The following KIF24 variants were observed in gnomAD, a reference collection of about 807,000 sequenced individuals.
KIF24 encodes kinesin-like protein KIF24.
Under a neutral mutation model 118.9 loss-of-function variants are expected in KIF24, and 81 were observed. That is an observed-to-expected ratio of 0.68 (90% CI 0.57 to 0.82). The LOEUF is 0.82. Among genes scored for constraint, KIF24 ranks in the 40% least tolerant of loss-of-function variants. The pLI, the probability that KIF24 is intolerant of heterozygous loss-of-function variation, is 0.00. For synonymous variants in KIF24, 599 were observed against 610.0 expected, an observed-to-expected ratio of 0.98 and a Z score of 0.27; for missense variants, 1,560 against 1,661.6, an observed-to-expected ratio of 0.94 and a Z score of 1.06.
rs1017847507 is a variant in KIF24, at chr9:34,257,635, C to T, written c.1972G>A (p.Ala658Thr). The T allele has an allele frequency of 1.2e-6, 2 of 1,613,946 alleles. No individual in the cohort carries two copies. Among genetic ancestry groups the T allele is most frequent in the Middle Eastern group, 3.3e-4 (2 of 6,062 alleles). The change falls in exon 11 of 13, where the codon GCC becomes ACC. Residue 658 changes from alanine to threonine, a missense_variant. By Grantham distance (58) the Ala-to-Thr change is moderately conservative. Transcript: ENST00000402558. ...GCTGACTCTTCTGGCTTTTTTTTGGCCACATGTCCAGAGCGCACAGTTCCT... is the reference window on the plus strand; with the variant it reads ...GCTGACTCTTCTGGCTTTTTTTTGGTCACATGTCCAGAGCGCACAGTTCCT... ...VKGTVRSGHV[A>T]KKKPEESAPL...
chr9:34,264,619 T>C (rs533904244), intron 8 of KIF24, among the ~76,000 whole-genome samples: 117 of 152,262 alleles, frequency 7.7e-4, no homozygotes, highest in African/African-American at 2.8e-3. Context: ...CCTCTTTTAT[T>C]AAAAATCTAT....
intron 1 of KIF24, among the ~76,000 whole-genome samples, chr9:34,325,970 A>G (rs942804579): frequency 6.6e-6 from 1 of 152,220 alleles, no homozygotes; most frequent in African/African-American, 2.4e-5. Context: ...TACAGTTCCA[A>G]GAGGAAACTT....
At position 34,256,393 on chromosome 9, in the gene KIF24, C is replaced by A. The variant is rs1351907287; in HGVS notation, c.3214G>T (p.Val1072Phe). ...AGACTGTGCGTAGCCCCATCCTGGACCAGCTGCTCCGAGGGAGGAGACCCT... is the reference window on the plus strand; with the variant it reads ...AGACTGTGCGTAGCCCCATCCTGGAACAGCTGCTCCGAGGGAGGAGACCCT... ...NEGSPPSEQL[V>F]QDGATHSLVA... The change falls in exon 11 of 13, where the codon GTC becomes TTC. Residue 1072 changes from valine to phenylalanine, a missense_variant. This residue lies in a region of KIF24 where 591 missense variants were observed against 655.6 expected (regional missense o/e 0.90). Transcript: ENST00000402558. 1.9e-6 allele frequency: 3 copies of A among 1,613,926 alleles called. No homozygotes were observed. The highest frequency in any genetic ancestry group is 2.5e-6 in the Non-Finnish European group (3 of 1,179,890).
At chr9:34,309,541 A>AG (rs1837059473) in intron 2 of KIF24, among the ~76,000 whole-genome samples, 2 of 97,462 alleles carry the variant, frequency 2.1e-5, no homozygotes, top group Admixed American at 1.2e-4. Flanking sequence ...ACTCCGTCTC[A>AG]AAAAAAAAAA....
chr9:34,324,367 C>T (rs988185634), intron 1 of KIF24, among the ~76,000 whole-genome samples: 3 of 152,178 alleles, frequency 2.0e-5, no homozygotes, highest in South Asian at 2.1e-4. Flanking sequence ...CAGAACTAAA[C>T]GAGAAAGCAT....
chr9:34,317,817 G>A (rs375304484), intron 1 of KIF24, among the ~76,000 whole-genome samples: 2 of 152,148 alleles, frequency 1.3e-5, no homozygotes, highest in Non-Finnish European at 2.9e-5. Context: ...ATATGCCAAA[G>A]AGAAGCCATA....
Position 34,306,279 on chromosome 9 carries a change from T to C in KIF24, c.786A>G (p.Ala262=), listed in dbSNP as rs1184648913. 1.2e-6 allele frequency: 2 copies of C among 1,606,750 alleles called. No homozygotes were observed. The highest frequency in any genetic ancestry group is 2.2e-5 in the East Asian group (1 of 44,826). Residue 262 remains alanine, a synonymous_variant, in exon 3 of 13, where the codon GCA becomes GCG. Transcript: ENST00000402558. ...GCAGAATATATTGAGTGAGGTCAAC[T>C]GCTTCTTTCTTCTCATGCACAAGTA... ...ETLLVHEKKE[A]VDLTQYILQH...
At chr9:34,279,150 A>C (rs935827524) in intron 6 of KIF24, among the ~76,000 whole-genome samples, 1 of 152,170 alleles carries the variant, frequency 6.6e-6, no homozygotes, top group African/African-American at 2.4e-5. Context: ...AACATCATTC[A>C]GGGACTTAAT....
intron 2 of KIF24, among the ~76,000 whole-genome samples, chr9:34,306,727 G>A (rs997285925): frequency 6.6e-6 from 1 of 151,972 alleles, no homozygotes; most frequent in African/African-American, 2.4e-5. Context: ...GCGTGAACCC[G>A]GGAGGCAGAG....
In KIF24 at chr9:34,318,836, G is replaced by A; in HGVS notation, c.-25-7465C>T. The A allele has an allele frequency of 6.3e-7, 1 of 1,599,920 alleles. No homozygotes were observed. Among genetic ancestry groups the A allele is most frequent in the Non-Finnish European group, 8.6e-7 (1 of 1,168,844 alleles). ...ACCCAGCTCAGTGAGTTTCGCTGAT[G>A]ACTTCGTGCGCAGCAGCAAGCAGCA... On this transcript the variant is annotated intron_variant, in intron 1 of 12. Coordinates refer to ENST00000402558, the MANE Select transcript of KIF24 (RefSeq NM_194313.4). This position sits in a 1 kb window ranked among gnomAD's most constrained non-coding sequence, Gnocchi z 4.9.
chr9:34,257,505 G>A lies in KIF24; in HGVS notation c.2102C>T (p.Thr701Ile), dbSNP rs772588810. ...GEGLVRGKLS[T>I]KCKKVQTVQP... ...CACTGTCTGCACTTTCTTGCACTTG[G>A]TGGACAGCTTACCACGCACTAGGCC... The change falls in exon 11 of 13, where the codon ACC becomes ATC. Residue 701 changes from threonine (T) to isoleucine (I), a missense_variant. Physicochemically the swap from Thr to Ile is moderately conservative, Grantham distance 89. Transcript: ENST00000402558. 6.2e-7 allele frequency: 1 copy of A among 1,614,096 alleles called. No individual in the cohort carries two copies. The highest frequency in any genetic ancestry group is 8.5e-7 in the Non-Finnish European group (1 of 1,179,912).
chr9:34,268,774 C>G (rs949954220), intron 8 of KIF24, among the ~76,000 whole-genome samples: 1 of 151,492 alleles, frequency 6.6e-6, no homozygotes, highest in Non-Finnish European at 1.5e-5. Flanking sequence ...TCCCAAAGTG[C>G]TGGGATTATA....
chr9:34,294,502 C>T (rs1035287101), intron 4 of KIF24, among the ~76,000 whole-genome samples: 4 of 151,816 alleles, frequency 2.6e-5, no homozygotes, highest in African/African-American at 9.7e-5. Context: ...GAGCTGAGAT[C>T]GCACCATTGC....
At chr9:34,313,279 T>C (rs1282356876) in intron 1 of KIF24, among the ~76,000 whole-genome samples, 3 of 152,074 alleles carry the variant, frequency 2.0e-5, no homozygotes, top group African/African-American at 4.8e-5. Flanking sequence ...ACCACATGAG[T>C]GACCCCAGGT....
intron 8 of KIF24, among the ~76,000 whole-genome samples, chr9:34,267,955 C>A (rs1331059751): frequency 6.6e-6 from 1 of 152,052 alleles, no homozygotes; most frequent in East Asian, 1.9e-4. Flanking sequence ...TTTCTTCAAC[C>A]AATACACTGA....
intron 5 of KIF24, among the ~76,000 whole-genome samples, chr9:34,289,426 C>T (rs539380523): frequency 1.3e-5 from 2 of 152,140 alleles, no homozygotes; most frequent in African/African-American, 4.8e-5. Flanking sequence ...CCCTAGTCTT[C>T]CAGGAGGCTC....
intron 4 of KIF24, among the ~76,000 whole-genome samples, chr9:34,295,766 G>A (rs1836445495): frequency 6.6e-6 from 1 of 151,978 alleles, no homozygotes; most frequent in South Asian, 2.1e-4. Context: ...TCAAACTCTT[G>A]GGCTCAAGCT....
intron 4 of KIF24, among the ~76,000 whole-genome samples, chr9:34,290,947 C>T (rs960490407): frequency 1.4e-4 from 21 of 152,066 alleles, no homozygotes; most frequent in African/African-American, 5.1e-4. Context: ...AGAGAAACAA[C>T]TCTAGAAGAT....
intron 4 of KIF24, among the ~76,000 whole-genome samples, chr9:34,295,119 A>G (rs1005413379): frequency 2.1e-5 from 1 of 47,982 alleles, no homozygotes; most frequent in Non-Finnish European, 1.1e-4. Context: ...ATTTTAATAG[A>G]TAGGTAGGTA....
Sources: allele counts gnomAD v4.1 joint callset (sites outside exome capture counted in the v4.1 genomes callset), GRCh38; gene constraint gnomAD v4.1.1; regional missense constraint gnomAD v4.1.1; non-coding constraint Gnocchi (gnomAD v3.1); transcripts MANE v1.5; gene names NCBI Gene and HGNC (gene_info 2026-07-23, HGNC 2026-07-21).